The following PDE3A variants were observed in gnomAD, a reference collection of about 807,000 sequenced individuals.
PDE3A encodes the protein phosphodiesterase 3A.
PDE3A carries 43 observed loss-of-function variants against 98.3 expected under a neutral mutation model. The ratio of observed to expected loss-of-function variants is 0.44; its 90% CI spans 0.34 to 0.56. The LOEUF (loss-of-function observed/expected upper bound fraction) is 0.56, where lower values mean the gene tolerates loss of function less well. PDE3A is among the 20% of genes least tolerant of loss of function. PDE3A has a pLI of 0.01. For missense variants in PDE3A, 1,427 were observed against 1,440.7 expected (o/e 0.99, Z 0.15); for synonymous variants, 663 against 567.9 (o/e 1.17, Z -2.38).
At chr12:20,387,629 A>T (rs1943836401) in intron 1 of PDE3A, among the ~76,000 whole-genome samples, 1 of 151,970 alleles carries the variant, frequency 6.6e-6, no homozygotes, top group Admixed American at 6.6e-5. Context: ...ATCCATATTA[A>T]CTCAGACTAT....
chr12:20,505,280 G>A (rs1462556150), intron 1 of PDE3A, among the ~76,000 whole-genome samples: 1 of 152,024 alleles, frequency 6.6e-6, no homozygotes, highest in Non-Finnish European at 1.5e-5. Context: ...ACTTGACCTA[G>A]GAGTCTCCTT....
Position 20,556,689 on chromosome 12 carries a change from A to G in PDE3A, c.990A>G (p.Lys330=). The G allele has an allele frequency of 1.2e-6, 2 of 1,610,086 alleles. No homozygotes were observed. The highest frequency in any genetic ancestry group is 1.7e-6 in the Non-Finnish European group (2 of 1,176,446). ...TGGGGCATTCAGAATGGGACCACAA[A>G]CGAGGGCCAAGAGGATCACAGGTAA... ...QLMGHSEWDH[K]RGPRGSQSSG... is the part of the protein sequence containing the mutation. Residue 330 remains lysine (K), a synonymous_variant, in exon 2 of 16, where the codon AAA becomes AAG. Transcript: ENST00000359062.
At chr12:20,462,752 G>A (rs989444778) in intron 1 of PDE3A, among the ~76,000 whole-genome samples, 4 of 151,550 alleles carry the variant, frequency 2.6e-5, no homozygotes, top group South Asian at 2.1e-4. Context: ...TGTTAAAAAC[G>A]TCTTGTAAAA....
intron 9 of PDE3A, 129 bp downstream of exon 9, chr12:20,637,366 A>G (rs1234373493): frequency 1.6e-5 from 9 of 565,468 alleles, no homozygotes; most frequent in Non-Finnish European, 2.7e-5. Flanking sequence ...AGAACACAAC[A>G]TTCTGTAGAT....
chr12:20,675,148 A>C (rs538136452), intron 15 of PDE3A, among the ~76,000 whole-genome samples: 253 of 152,016 alleles, frequency 1.7e-3, no homozygotes, highest in African/African-American at 5.9e-3. Context: ...TTATTGATTT[A>C]TTCCTTAATT....
chr12:20,572,019 G>T, intron 2 of PDE3A: 1 of 1,101,518 alleles, frequency 9.1e-7, no homozygotes, highest in South Asian at 2.2e-5. Context: ...CTTTTAATTG[G>T]AGGATAGCTG....
chr12:20,685,409 CAAA>C lies in PDE3A; in HGVS notation c.*5159_*5161del, dbSNP rs71442269. ...GGGCAACAGGAGTTAAATTTTGCCTCAAAAAAAAAAAAAAAAAAAAAAAGAACA... is the reference window on the plus strand; with the variant it reads ...GGGCAACAGGAGTTAAATTTTGCCTCAAAAAAAAAAAAAAAAAAAAGAACA... On this transcript the variant is annotated 3_prime_UTR_variant, in exon 16 of 16. Coordinates refer to ENST00000359062, the MANE Select transcript of PDE3A (RefSeq NM_000921.5). Among the ~76,000 whole-genome samples, 2 of 73,800 alleles carry C rather than the reference CAAA, an allele frequency of 2.7e-5. No homozygotes were observed. Among genetic ancestry groups the C allele is most frequent in the African/African-American group, 1.2e-4 (2 of 16,552 alleles). The allele number at this position is 73,800 out of a possible 152,430, so 48.4% of individuals were successfully genotyped here. A position where few individuals can be genotyped will look rare whatever the true frequency, so the allele number is the denominator to read the frequency against.
At position 20,537,025 on chromosome 12, in the gene PDE3A, C is replaced by A. The variant is rs180724438; in HGVS notation, c.961-19635C>A. On this transcript the variant is annotated intron_variant, in intron 1 of 15. Transcript: ENST00000359062. ...TCCACTAGCAAATTATAAAGGTCCT[C>A]ATTTCTCCACATCCTCAACAACACT... 3.3e-5 allele frequency among the ~76,000 whole-genome samples: 5 copies of A among 152,106 alleles called. No individual in the cohort carries two copies. The East Asian group carries it at 7.7e-4, about 24-fold the overall frequency.
At chr12:20,439,537 TA>T (rs34545685) in intron 1 of PDE3A, among the ~76,000 whole-genome samples, 3,634 of 152,302 alleles carry the variant, frequency 0.024, 140 homozygotes, top group African/African-American at 0.083. Context: ...CTATTGCACT[TA>T]AAAATATTCA....
intron 1 of PDE3A, among the ~76,000 whole-genome samples, chr12:20,499,052 TA>T: frequency 6.6e-6 from 1 of 152,256 alleles, no homozygotes; most frequent in Admixed American, 6.5e-5. Flanking sequence ...AAGTAAGGAT[TA>T]AAAAATTATA....
chr12:20,458,945 GA>G (rs2011131382), intron 1 of PDE3A, among the ~76,000 whole-genome samples: 2 of 152,104 alleles, frequency 1.3e-5, no homozygotes, highest in South Asian at 4.1e-4. Flanking sequence ...AGAAGGCACA[GA>G]ATTTGAATTT....
chr12:20,600,623 T>G (rs1453962203), intron 2 of PDE3A, among the ~76,000 whole-genome samples: 2 of 152,180 alleles, frequency 1.3e-5, no homozygotes, highest in Non-Finnish European at 2.9e-5. Context: ...TGCTTACTCT[T>G]TTCATGTATG....
intron 1 of PDE3A, among the ~76,000 whole-genome samples, chr12:20,421,598 TA>T (rs35898103): frequency 0.015 from 1,751 of 114,904 alleles, 20 homozygotes; most frequent in African/African-American, 0.037. Flanking sequence ...TTATTGGTAA[TA>T]AAAAAAAAAA....
intron 1 of PDE3A, among the ~76,000 whole-genome samples, chr12:20,467,541 G>A (rs1466725171): frequency 6.6e-6 from 1 of 151,906 alleles, no homozygotes; most frequent in Non-Finnish European, 1.5e-5. Context: ...TAAAAACATT[G>A]AAATATACAT....
intron 1 of PDE3A, among the ~76,000 whole-genome samples, chr12:20,440,012 G>C (rs1485761478): frequency 1.3e-5 from 2 of 152,064 alleles, no homozygotes; most frequent in East Asian, 3.9e-4. Context: ...TTGTTTCTGT[G>C]TACATTCTTT....
chr12:20,657,041 A>T (rs1160404196), intron 15 of PDE3A, among the ~76,000 whole-genome samples: 1 of 152,224 alleles, frequency 6.6e-6, no homozygotes, highest in East Asian at 1.9e-4. Flanking sequence ...TGACCACATT[A>T]TATTACAATT....
chr12:20,553,019 G>A (rs1324606755), intron 1 of PDE3A: 2 of 1,526,126 alleles, frequency 1.3e-6, no homozygotes, highest in Non-Finnish European at 1.8e-6. Flanking sequence ...TGATCTCCAA[G>A]CACTTCTCGA....
chr12:20,622,759 G>GA (rs1362070756), intron 5 of PDE3A, among the ~76,000 whole-genome samples: 1 of 135,356 alleles, frequency 7.4e-6, no homozygotes, highest in African/African-American at 2.8e-5. Context: ...GACTCTTAAA[G>GA]GGGTGCTAAA....
Position 20,611,382 on chromosome 12 carries a change from A to ATT in PDE3A, c.1012-2061_1012-2060insTT, listed in dbSNP as rs1264947485. Among the ~76,000 whole-genome samples, 38 of 151,926 alleles carry ATT rather than the reference A, an allele frequency of 2.5e-4. 1 individual carries two copies. In the East Asian group the frequency reaches 7.2e-3, roughly 29 times the overall value. The stretch of plus-strand genomic sequence containing the variant: ...ATTAAATTATGCATTAAGTAATTAC[A>ATT]GATATATTTAAGCACATAAAATTAA... On this transcript the variant is annotated intron_variant, in intron 2 of 15. Coordinates refer to ENST00000359062, the MANE Select transcript of PDE3A (RefSeq NM_000921.5).
Sources: allele counts gnomAD v4.1 joint callset (sites outside exome capture counted in the v4.1 genomes callset), GRCh38; gene constraint gnomAD v4.1.1; transcripts MANE v1.5; gene names NCBI Gene and HGNC (gene_info 2026-07-23, HGNC 2026-07-21).